Variants in MICAL1 observed in about 807,000 individuals in gnomAD.
MICAL1 encodes [F-actin]-monooxygenase MICAL1.
A neutral mutation model predicts 131.8 loss-of-function variants in MICAL1; 95 were observed. That is an observed-to-expected ratio of 0.72 (90% CI 0.61 to 0.86). MICAL1 has a LOEUF of 0.86. Among genes scored for constraint, MICAL1 ranks in the 40% least tolerant of loss-of-function variants. MICAL1 has a pLI of 0.00. For missense variants in MICAL1, 1,292 were observed against 1,380.6 expected (o/e 0.94, Z 1.02); for synonymous variants, 546 against 554.2 (o/e 0.99, Z 0.21).
chr6:109,465,578 GA>G, intron 1 of MICAL1: 1 of 1,434,156 alleles, frequency 7.0e-7, no homozygotes, highest in Non-Finnish European at 9.4e-7. Flanking sequence ...TGCCCCCAAA[GA>G]AAAACTACCC....
At chr6:109,447,009 G>A in intron 17 of MICAL1, 64 bp downstream of exon 17, 1 of 1,575,664 alleles carries the variant, frequency 6.3e-7, no homozygotes, top group Non-Finnish European at 8.6e-7. Flanking sequence ...TCTACCTCAA[G>A]CTCTGTGTCC....
Position 109,448,874 on chromosome 6 carries a change from C to T in MICAL1, c.1522G>A (p.Ala508Thr). ...TDTGMPATGS[A>T]GTQEELLRWC... ...CGTAGCAGCTCCTCCTGGGTGCCTG[C>T]CGACCCTGGGAAAGAAGGCTGTGCT... The change falls in exon 12 of 25, where the codon GCA becomes ACA. Residue 508 changes from alanine to threonine, a missense_variant. By Grantham distance (58) the Ala-to-Thr change is moderately conservative. Transcript: ENST00000358807. 1 of 1,613,406 alleles carries T rather than the reference C, an allele frequency of 6.2e-7. No homozygotes were observed. The highest frequency in any genetic ancestry group is 1.7e-5 in the Admixed American group (1 of 60,018).
chr6:109,447,012 C>A lies in MICAL1; in HGVS notation c.2227+61G>T, dbSNP rs575786021. The A allele has an allele frequency of 2.3e-5, 36 of 1,582,572 alleles. No individual in the cohort carries two copies. The African/African-American group carries it at 4.7e-4, about 21-fold the overall frequency. Reference sequence around the variant, plus strand: ...ATCCTGTGCCTCTCTACCTCAAGCTCTGTGTCCCCCAAGCAGGGCCAGGCC... The same window carrying A: ...ATCCTGTGCCTCTCTACCTCAAGCTATGTGTCCCCCAAGCAGGGCCAGGCC... On this transcript the variant is annotated intron_variant, in intron 17 of 24. Transcript: ENST00000358807.
At chr6:109,465,731 C>T in exon 1 of MICAL1, 1 of 1,610,200 alleles carries the variant, frequency 6.2e-7, no homozygotes, top group Non-Finnish European at 8.5e-7. Flanking sequence ...TTAGCCATCA[C>T]AGCTCTCACA....
rs1162990353 is a variant in MICAL1, at chr6:109,461,432, C to A, written c.14+4232G>T. Reference sequence around the variant, plus strand: ...TTTCTGTAGACCGTAACTTTCACTACTATTGTTTTATGTAAAAAAGTTATA... The same window carrying A: ...TTTCTGTAGACCGTAACTTTCACTAATATTGTTTTATGTAAAAAAGTTATA... On this transcript the variant is annotated intron_variant, in intron 1 of 24. Transcript: ENST00000630715. 1.4e-4 allele frequency among the ~76,000 whole-genome samples: 21 copies of A among 152,104 alleles called. No individual in the cohort carries two copies. The East Asian group carries it at 3.7e-3, about 26-fold the overall frequency.
At chr6:109,465,757 C>T (rs1034451242) in exon 1 of MICAL1, 2 of 1,612,964 alleles carry the variant, frequency 1.2e-6, no homozygotes, top group African/African-American at 2.7e-5. Flanking sequence ...ATCTGCAAGT[C>T]AATGGTGTGG....
intron 20 of MICAL1, 104 bp downstream of exon 20, chr6:109,445,667 G>A: frequency 1.2e-5 from 18 of 1,507,664 alleles, no homozygotes; most frequent in Non-Finnish European, 1.6e-5. Flanking sequence ...AGATATGACA[G>A]GCCAAGTGAG....
Position 109,446,071 on chromosome 6 carries a change from C to A in MICAL1, c.2581+65G>T, listed in dbSNP as rs1775200403. 3.3e-6 allele frequency: 5 copies of A among 1,509,648 alleles called. No homozygotes were observed. The Admixed American group carries it at 1.2e-4, about 36-fold the overall frequency. The allele number at this position is 1,509,648 out of a possible 1,614,324, so 93.5% of individuals were successfully genotyped here. The stretch of plus-strand genomic sequence containing the variant: ...TCCCTCTGTATTCCCCAGAATTCCT[C>A]TGCAGGAAGCCAGTGCTCCCACCCT... On this transcript the variant is annotated intron_variant, in intron 19 of 24. Transcript: ENST00000358807.
intron 7 of MICAL1, among the ~76,000 whole-genome samples, chr6:109,450,805 G>A (rs1302656427): frequency 1.3e-5 from 2 of 152,254 alleles, no homozygotes; most frequent in Middle Eastern, 3.4e-3. Context: ...TATCATTACT[G>A]TCATATACTT....
upstream of MICAL1, among the ~76,000 whole-genome samples, chr6:109,458,469 C>T (rs910995036): frequency 6.6e-6 from 1 of 152,142 alleles, no homozygotes; most frequent in Non-Finnish European, 1.5e-5. Flanking sequence ...GTGGCACATG[C>T]CTGTAATCCC....
At position 109,446,379 on chromosome 6, in the gene MICAL1, G is replaced by A; in HGVS notation, c.2338C>T (p.Pro780Ser). 1.9e-6 allele frequency: 3 copies of A among 1,614,146 alleles called. No individual in the cohort carries two copies. Among genetic ancestry groups the A allele is most frequent in the South Asian group, 1.1e-5 (1 of 91,084 alleles). Reference protein sequence around the residue: ...LPTPSENSMPPGLSTPTASQE... With the variant: ...LPTPSENSMPSGLSTPTASQE... ...GAGGCTGTGGGAGTTGAGAGGCCTG[G>A]TGGCATGCTATTCTCACTTGGTGTG... The change falls in exon 19 of 25, where the codon CCA becomes TCA. Residue 780 changes from proline to serine, a missense_variant. Physicochemically the swap from Pro to Ser is moderately conservative, Grantham distance 74 (BLOSUM62 -1). Transcript: ENST00000358807.
In MICAL1 at chr6:109,455,308, G is replaced by A. The variant is rs925568117; in HGVS notation, c.-44+411C>T. Among the ~76,000 whole-genome samples the A allele has an allele frequency of 1.3e-5, 2 of 152,192 alleles. No individual in the cohort carries two copies. The highest frequency in any genetic ancestry group is 6.5e-5 in the Admixed American group (1 of 15,280). ...CCCTCCGTTCCCAGCCCGCCGCGCC[G>A]AGACAGGAGATGAAAGCCTCCCGCT... On this transcript the variant is annotated intron_variant, in intron 1 of 24. Coordinates refer to ENST00000358807, the MANE Select transcript of MICAL1 (RefSeq NM_022765.4). The surrounding 1 kb of genome is among the most constrained non-coding windows in gnomAD (Gnocchi z 4.7).
At chr6:109,463,534 A>C (rs1303811518) in intron 1 of MICAL1, 1 of 152,186 alleles carries the variant, frequency 6.6e-6, no homozygotes, top group Non-Finnish European at 1.5e-5. Context: ...AATTTTAATA[A>C]ATTTAATATA....
At chr6:109,444,626 A>G (rs1328149007) in intron 24 of MICAL1, 99 bp downstream of exon 24, 7 of 1,420,206 alleles carry the variant, frequency 4.9e-6, no homozygotes, top group Non-Finnish European at 7.0e-6. Context: ...TCAGAGGTAC[A>G]CAGACTAGAG....
intron 1 of MICAL1, chr6:109,465,562 G>T: frequency 6.4e-6 from 8 of 1,257,262 alleles, no homozygotes; most frequent in Non-Finnish European, 7.7e-6. Flanking sequence ...GAAAAACTGA[G>T]ATCAATGCCC....
chr6:109,447,947 G>A lies in MICAL1; in HGVS notation c.1872C>T (p.Ala624=), dbSNP rs1486235771. ...ATACAGCACTGGAGGTCCCTGGGGA[G>A]GCCTGGCTGACAGGGCCTGCGGGGA... is the stretch of plus-strand genomic sequence containing the variant. The part of the protein sequence containing the change: ...MAHSPGPVSQ[A]SPGTSSAVLF... Residue 624 remains alanine (A), a synonymous_variant, in exon 14 of 25, where the codon GCC becomes GCT. Coordinates refer to ENST00000358807, the MANE Select transcript of MICAL1 (RefSeq NM_022765.4). 3 of 1,611,280 alleles carry A rather than the reference G, an allele frequency of 1.9e-6. No homozygotes were observed. The highest frequency in any genetic ancestry group is 1.7e-6 in the Non-Finnish European group (2 of 1,178,668).
upstream of MICAL1, chr6:109,455,814 C>T: frequency 4.1e-6 from 4 of 985,206 alleles, no homozygotes; most frequent in Non-Finnish European, 4.8e-6. This position sits in a 1 kb window ranked among gnomAD's most constrained non-coding sequence, Gnocchi z 4.7. Flanking sequence ...GGCGGAAACG[C>T]CGAGATCGGG....
chr6:109,444,470 G>T, intron 24 of MICAL1, 131 bp from the exon 25 acceptor site: 1 of 1,319,804 alleles, frequency 7.6e-7, no homozygotes, highest in Non-Finnish European at 1.1e-6. Context: ...TAGGAGGGTT[G>T]CCAACACCAG....
In MICAL1 at chr6:109,446,293, G is replaced by A. The variant is rs1775211866; in HGVS notation, c.2424C>T (p.Leu808=). ...PSQPTRRQIR[L]SSPERQRLSS... ...ACAACCGCTGGCGCTCCGGGCTGGA[G>A]AGGCGGATCTGCCGACGGGTGGGCT... The change falls in exon 19 of 25, where the codon CTC becomes CTT. Residue 808 remains leucine (L), a synonymous_variant. Coordinates refer to ENST00000358807, the MANE Select transcript of MICAL1 (RefSeq NM_022765.4). The A allele has an allele frequency of 6.2e-7, 1 of 1,614,178 alleles. No individual in the cohort carries two copies. The highest frequency in any genetic ancestry group is 8.5e-7 in the Non-Finnish European group (1 of 1,180,032).
Sources: allele counts gnomAD v4.1 joint callset (sites outside exome capture counted in the v4.1 genomes callset), GRCh38; gene constraint gnomAD v4.1.1; non-coding constraint Gnocchi (gnomAD v3.1); transcripts MANE v1.5; gene names NCBI Gene and HGNC (gene_info 2026-07-23, HGNC 2026-07-21).